Variants in TBC1D5 observed in about 807,000 individuals in gnomAD.
The protein encoded by TBC1D5 is TBC1 domain family member 5.
TBC1D5 carries 75 observed loss-of-function variants against 100.3 expected under a neutral mutation model. The observed-to-expected ratio is 0.75, with a 90% CI of 0.62 to 0.91. The LOEUF (loss-of-function observed/expected upper bound fraction) is 0.91. Ranked by LOEUF, TBC1D5 falls within the 40% of genes least tolerant of loss-of-function variation. The pLI is 0.00. For missense variants in TBC1D5, 910 were observed against 942.4 expected (o/e 0.97, Z 0.45); for synonymous variants, 323 against 325.6 (o/e 0.99, Z 0.09).
At chr3:17,377,168 T>C (rs1469855122) in intron 9 of TBC1D5, among the ~76,000 whole-genome samples, 1 of 152,078 alleles carries the variant, frequency 6.6e-6, no homozygotes, top group African/African-American at 2.4e-5. Context: ...AAAATAGGAT[T>C]TAACATGTTT....
intron 13 of TBC1D5, among the ~76,000 whole-genome samples, chr3:17,353,454 A>G (rs1237474413): frequency 3.3e-5 from 5 of 152,090 alleles, no homozygotes; most frequent in Admixed American, 1.3e-4. Flanking sequence ...GAAATTATCT[A>G]CTGAAATTGT....
intron 18 of TBC1D5, 129 bp from the exon 20 acceptor site, chr3:17,185,337 G>T: frequency 1.6e-6 from 1 of 638,486 alleles, no homozygotes; most frequent in Non-Finnish European, 2.4e-6. Context: ...AATCTAAATA[G>T]CAAACAAAAA....
intron 1 of TBC1D5, among the ~76,000 whole-genome samples, chr3:17,701,959 T>C (rs1423346177): frequency 6.6e-6 from 1 of 152,056 alleles, no homozygotes; most frequent in Non-Finnish European, 1.5e-5. Context: ...TTTCAAGAGC[T>C]AAAGATTCCC....
chr3:17,698,029 T>C (rs2072432045), intron 1 of TBC1D5, among the ~76,000 whole-genome samples: 1 of 151,698 alleles, frequency 6.6e-6, no homozygotes. Context: ...CTTCACAGAA[T>C]TGGAAAAAAC....
intron 1 of TBC1D5, among the ~76,000 whole-genome samples, chr3:17,633,533 C>G (rs904667089): frequency 3.3e-5 from 5 of 151,830 alleles, no homozygotes; most frequent in Non-Finnish European, 7.4e-5. Flanking sequence ...ACTTAAGACT[C>G]TAAGATGAAA....
chr3:17,336,062 C>T (rs904281561), intron 13 of TBC1D5, among the ~76,000 whole-genome samples: 3 of 151,976 alleles, frequency 2.0e-5, no homozygotes, highest in Admixed American at 1.3e-4. Context: ...TAACAGTGTA[C>T]GTCTAGTGAC....
intron 13 of TBC1D5, among the ~76,000 whole-genome samples, chr3:17,351,382 C>T (rs367613805): frequency 4.9e-4 from 74 of 152,030 alleles, no homozygotes; most frequent in African/African-American, 1.5e-3. Context: ...ATATACACCA[C>T]GGAATACTAT....
At chr3:17,592,487 C>T (rs957670518) in intron 2 of TBC1D5, among the ~76,000 whole-genome samples, 24 of 152,180 alleles carry the variant, frequency 1.6e-4, no homozygotes, top group African/African-American at 5.3e-4. Context: ...GGATAAGTTG[C>T]GGCATTTGGC....
intron 17 of TBC1D5, among the ~76,000 whole-genome samples, chr3:17,216,303 ACC>A: frequency 6.6e-6 from 1 of 152,004 alleles, no homozygotes; most frequent in Non-Finnish European, 1.5e-5. Context: ...TAAATGGTCT[ACC>A]CATTTCCAGT....
At chr3:17,645,485 T>G (rs569107615) in intron 1 of TBC1D5, among the ~76,000 whole-genome samples, 3 of 152,144 alleles carry the variant, frequency 2.0e-5, no homozygotes, top group Non-Finnish European at 4.4e-5. Flanking sequence ...CTTCGGCAAC[T>G]AAATCCACTA....
At chr3:17,169,687 AAAAAAAC>A (rs2066978830) in intron 19 of TBC1D5, among the ~76,000 whole-genome samples, 1 of 152,218 alleles carries the variant, frequency 6.6e-6, no homozygotes, top group South Asian at 2.1e-4. Flanking sequence ...TCTCTCAATA[AAAAAAAC>A]AAAAAACAAA....
chr3:17,547,159 T>A (rs1332272122), intron 2 of TBC1D5: 1 of 152,190 alleles, frequency 6.6e-6, no homozygotes, highest in Non-Finnish European at 1.5e-5. Flanking sequence ...TGTAGGCTAT[T>A]GTAATACAAG....
intron 17 of TBC1D5, among the ~76,000 whole-genome samples, chr3:17,234,236 T>C (rs184303099): frequency 4.6e-5 from 7 of 152,256 alleles, no homozygotes; most frequent in Admixed American, 2.6e-4. Context: ...TCACATTAAG[T>C]AATGAAAAGA....
chr3:17,297,458 C>T (rs907314289), intron 14 of TBC1D5, among the ~76,000 whole-genome samples: 1 of 151,874 alleles, frequency 6.6e-6, no homozygotes, highest in African/African-American at 2.4e-5. Context: ...CGCCTGTAAT[C>T]CCAGCTACTC....
At chr3:17,209,698 T>G (rs974347866) in intron 18 of TBC1D5, among the ~76,000 whole-genome samples, 2 of 152,260 alleles carry the variant, frequency 1.3e-5, no homozygotes, top group African/African-American at 4.8e-5. Context: ...TTTCTTTTCC[T>G]ACACATACTT....
chr3:17,367,852 C>A (rs1018010191), intron 13 of TBC1D5, among the ~76,000 whole-genome samples: 5 of 151,312 alleles, frequency 3.3e-5, no homozygotes, highest in African/African-American at 7.3e-5. Flanking sequence ...GAGCAAGACA[C>A]CCTCTCAAAA....
At chr3:17,673,819 G>C (rs1018364207) in intron 1 of TBC1D5, among the ~76,000 whole-genome samples, 3 of 152,024 alleles carry the variant, frequency 2.0e-5, no homozygotes, top group Non-Finnish European at 4.4e-5. Flanking sequence ...CAAGTTACTT[G>C]ATTTAGTAAC....
At chr3:17,559,611 G>A (rs2096544484) in intron 2 of TBC1D5, among the ~76,000 whole-genome samples, 1 of 149,136 alleles carries the variant, frequency 6.7e-6, no homozygotes, top group Non-Finnish European at 1.5e-5. Context: ...TTTTTTTGAG[G>A]TGGAGTCTTG....
chr3:17,602,436 T>C (rs1317751703), intron 2 of TBC1D5, among the ~76,000 whole-genome samples: 1 of 152,048 alleles, frequency 6.6e-6, no homozygotes, highest in African/African-American at 2.4e-5. Flanking sequence ...TCTCTGAAAA[T>C]GTAGATAGCT....
Sources: gnomAD v4.1 joint callset for allele counts (sites outside exome capture counted in the v4.1 genomes callset) on GRCh38, gnomAD v4.1.1 for gene constraint, MANE v1.5 for transcripts, NCBI Gene and HGNC (gene_info 2026-07-23, HGNC 2026-07-21) for gene names.